DMRTA1: variants seen among roughly 807,000 people sequenced by gnomAD.
The protein encoded by DMRTA1 is doublesex- and mab-3-related transcription factor A1.
A neutral mutation model predicts 35.2 loss-of-function variants in DMRTA1; 34 were observed. That is an observed-to-expected ratio of 0.97 (90% CI 0.74 to 1.29). DMRTA1 has a LOEUF of 1.29. Ranked by LOEUF, DMRTA1 falls within the 50% of genes most tolerant of loss-of-function variation. The pLI, the probability that DMRTA1 is intolerant of heterozygous loss-of-function variation, is 0.00. For synonymous variants in DMRTA1, 344 were observed against 276.6 expected, an observed-to-expected ratio of 1.24 and a Z score of -2.42; for missense variants, 824 against 644.6, an observed-to-expected ratio of 1.28 and a Z score of -3.01.
rs530620208 is a variant in DMRTA1, at chr9:22,451,835, A to T, written c.1439A>T (p.Asp480Val). 1.9e-6 allele frequency: 3 copies of T among 1,613,890 alleles called. No individual in the cohort carries two copies. Among genetic ancestry groups the T allele is most frequent in the Non-Finnish European group, 2.5e-6 (3 of 1,179,932 alleles). ...LDYAFSGMIR[D>V]SSYLSSKDSI... is the part of the protein sequence containing the mutation. ...TATGCCTTTTCAGGGATGATTAGAG[A>T]TTCTTCCTACCTTTCCAGTAAAGAC... Residue 480 changes from aspartate to valine, a missense_variant, in exon 2 of 2, where the codon GAT becomes GTT. Physicochemically the swap from Asp to Val is radical, Grantham distance 152. Coordinates refer to ENST00000325870, the MANE Select transcript of DMRTA1 (RefSeq NM_022160.3).
rs1818987804 is a variant in DMRTA1, at chr9:22,455,252, T to C, written c.*3341T>C. On this transcript the variant is annotated 3_prime_UTR_variant, in exon 2 of 2. Transcript: ENST00000325870. Reference sequence around the variant, plus strand: ...ATTAGTACAATTCCTATAAGGTAAATACCAATATGTCTTTCTAGAAGAAGC... The same window carrying C: ...ATTAGTACAATTCCTATAAGGTAAACACCAATATGTCTTTCTAGAAGAAGC... 2 of 152,176 alleles carry C rather than the reference T, an allele frequency of 1.3e-5. No homozygotes were observed. Among genetic ancestry groups the C allele is most frequent in the Admixed American group, 1.3e-4 (2 of 15,284 alleles). The allele number at this position is 152,176 out of a possible 1,614,324, so 9.4% of individuals were successfully genotyped here. A position where few individuals can be genotyped will look rare whatever the true frequency, so the allele number is the denominator to read the frequency against.
rs62574786 is a variant in DMRTA1, at chr9:22,452,003, G to A, written c.*92G>A. On this transcript the variant is annotated 3_prime_UTR_variant, in exon 2 of 2. Transcript: ENST00000325870. ...CACACACATCCATTAATATACTTCA[G>A]TAAGTATGTGAGTGGATTATGAGGT... 0.15 allele frequency: 203,532 copies of A among 1,368,102 alleles called. 15,172 individuals carry two copies. The highest frequency in any genetic ancestry group is 0.24 in the Admixed American group (11,369 of 46,942). 84.7% of individuals were successfully genotyped at this position (1,368,102 alleles called of 1,614,324 possible).
intron 1 of DMRTA1, 85 bp from the exon 2 acceptor site, chr9:22,450,979 T>C (rs1818914706): frequency 2.2e-6 from 3 of 1,341,614 alleles, no homozygotes; most frequent in Non-Finnish European, 3.0e-6. Flanking sequence ...ATTAATTATA[T>C]TATCCAGCAT....
rs1464868149 is a variant in DMRTA1 at position 22,447,587 on chromosome 9, G to A, written c.522G>A (p.Gly174=). 1 of 1,602,728 alleles carries A rather than the reference G, an allele frequency of 6.2e-7. No homozygotes were observed. The highest frequency in any genetic ancestry group is 1.3e-5 in the African/African-American group (1 of 74,522). Residue 174 remains glycine (G), a synonymous_variant, in exon 1 of 2, where the codon GGG becomes GGA. Transcript: ENST00000325870. ...LSWPPGGRAS[G]GGGRAENPQS... The stretch of plus-strand genomic sequence containing the variant: ...GGCCCCCCGGTGGTCGGGCATCCGG[G>A]GGCGGCGGCAGAGCCGAGAATCCAC...
At chr9:22,448,964 A>T (rs995538140) in intron 1 of DMRTA1, among the ~76,000 whole-genome samples, 2 of 152,246 alleles carry the variant, frequency 1.3e-5, no homozygotes, top group African/African-American at 4.8e-5. Context: ...AAGAGAAGTA[A>T]AAGTGAGAAT....
rs770779424 is a variant in DMRTA1, at chr9:22,447,602, C to A, written c.537C>A (p.Ala179=). 6.2e-7 allele frequency: 1 copy of A among 1,606,158 alleles called. No individual in the cohort carries two copies. Among genetic ancestry groups the A allele is most frequent in the South Asian group, 1.1e-5 (1 of 90,462 alleles). Residue 179 remains alanine, a synonymous_variant, in exon 1 of 2, where the codon GCC becomes GCA. Transcript: ENST00000325870. ...GGGCATCCGGGGGCGGCGGCAGAGC[C>A]GAGAATCCACAGTCCACGGGCGGCC... ...GGRASGGGGR[A]ENPQSTGGPA...
Position 22,447,612 on chromosome 9 carries a change from C to T in DMRTA1, c.547C>T (p.Gln183Ter). Residue 183 changes from glutamine to a stop codon, truncating the protein, a stop_gained, in exon 1 of 2, where the codon CAG becomes TAG. Transcript: ENST00000325870. LOFTEE classifies it high-confidence loss of function. ...SGGGGRAENPQSTGGPAAGAA... is the reference protein window; with the variant it reads ...SGGGGRAENP ...GGGCGGCGGCAGAGCCGAGAATCCA[C>T]AGTCCACGGGCGGCCCTGCGGCGGG... is the stretch of plus-strand genomic sequence containing the variant. 6.2e-7 allele frequency: 1 copy of T among 1,608,064 alleles called. No individual in the cohort carries two copies. The highest frequency in any genetic ancestry group is 8.5e-7 in the Non-Finnish European group (1 of 1,178,284).
Position 22,451,277 on chromosome 9 carries a change from C to T in DMRTA1, c.881C>T (p.Ser294Phe). The change falls in exon 2 of 2, where the codon TCC (serine) becomes TTC (phenylalanine). Residue 294 changes from serine (S) to phenylalanine (F), a missense_variant. Physicochemically the swap from Ser to Phe is radical, Grantham distance 155. Transcript: ENST00000325870. The part of the protein sequence containing the change: ...EQSGGEESPR[S>F]LSSSDLESGN... ...TCAGGAGGTGAAGAGAGTCCCAGGTCCTTATCATCCTCTGATCTGGAATCA... is the reference window on the plus strand; with the variant it reads ...TCAGGAGGTGAAGAGAGTCCCAGGTTCTTATCATCCTCTGATCTGGAATCA... 1 of 1,614,076 alleles carries T rather than the reference C, an allele frequency of 6.2e-7. No homozygotes were observed. Among genetic ancestry groups the T allele is most frequent in the East Asian group, 2.2e-5 (1 of 44,872 alleles).
At position 22,451,147 on chromosome 9, in the gene DMRTA1, T is replaced by C. The variant is rs543015454; in HGVS notation, c.751T>C (p.Ser251Pro). ...ATCCCATCAGCTTTACCTAGGATCA[T>C]CTTCTAGGTCTAATGGTGTCATTGG... The part of the protein sequence containing the change: ...SKSHQLYLGS[S>P]SRSNGVIGKQ... The change falls in exon 2 of 2, where the codon TCT becomes CCT. Residue 251 changes from serine (S) to proline (P), a missense_variant. Coordinates refer to ENST00000325870, the MANE Select transcript of DMRTA1 (RefSeq NM_022160.3). 1 of 1,614,052 alleles carries C rather than the reference T, an allele frequency of 6.2e-7. No homozygotes were observed. Among genetic ancestry groups the C allele is most frequent in the East Asian group, 2.2e-5 (1 of 44,878 alleles).
rs1015707248 is a variant in DMRTA1 at position 22,455,614 on chromosome 9, C to A, written c.*3703C>A. On this transcript the variant is annotated 3_prime_UTR_variant, in exon 2 of 2. Coordinates refer to ENST00000325870, the MANE Select transcript of DMRTA1 (RefSeq NM_022160.3). ...AGCCATCACTAGAGCAGCGTACAGGCTTAGTTCCAGACTTCGTGTTTGGTT... is the reference window on the plus strand; with the variant it reads ...AGCCATCACTAGAGCAGCGTACAGGATTAGTTCCAGACTTCGTGTTTGGTT... 1 of 152,150 alleles carries A rather than the reference C, an allele frequency of 6.6e-6. No homozygotes were observed. The highest frequency in any genetic ancestry group is 1.5e-5 in the Non-Finnish European group (1 of 68,038). 9.4% of individuals were successfully genotyped at this position (152,150 alleles called of 1,614,324 possible).
rs865776800 is a variant in DMRTA1, at chr9:22,455,559, T to G, written c.*3648T>G. On this transcript the variant is annotated 3_prime_UTR_variant, in exon 2 of 2. Transcript: ENST00000325870. Reference sequence around the variant, plus strand: ...CAAAGAGTACTGTAATTGCATTTAATCCACTTAGTGGATGTGGAGCCCAAA... The same window carrying G: ...CAAAGAGTACTGTAATTGCATTTAAGCCACTTAGTGGATGTGGAGCCCAAA... 3.3e-5 allele frequency: 5 copies of G among 152,218 alleles called. No homozygotes were observed. The highest frequency in any genetic ancestry group is 1.3e-4 in the Admixed American group (2 of 15,286). 9.4% of individuals were successfully genotyped at this position (152,218 alleles called of 1,614,324 possible).
rs1266697292 is a variant in DMRTA1, at chr9:22,451,640, C to T, written c.1244C>T (p.Thr415Ile). The change falls in exon 2 of 2, where the codon ACT becomes ATT. Residue 415 changes from threonine (T) to isoleucine (I), a missense_variant. Transcript: ENST00000325870. ...NKSAFSPLQT[T>I]SASYGGDSSL... ...TCAGCTTTCTCTCCTCTTCAAACTA[C>T]TTCTGCTTCTTATGGAGGTGATTCA... 5 of 1,614,016 alleles carry T rather than the reference C, an allele frequency of 3.1e-6. No homozygotes were observed. The highest frequency in any genetic ancestry group is 1.1e-5 in the South Asian group (1 of 91,086).
Position 22,451,087 on chromosome 9 carries a change from T to C in DMRTA1, c.691T>C (p.Ser231Pro), listed in dbSNP as rs1260635013. The change falls in exon 2 of 2, where the codon TCA becomes CCA. Residue 231 changes from serine (S) to proline (P), a missense_variant. Ser to Pro is a moderately conservative substitution (Grantham distance 74). Transcript: ENST00000325870. The stretch of plus-strand genomic sequence containing the variant: ...AGAACAAAAAGAGAGTAAATGTGAG[T>C]CATGCCAGAATGGACAAGAAGAACT... ...KQEQKESKCE[S>P]CQNGQEELIS... is the part of the protein sequence containing the mutation. 3 of 1,612,812 alleles carry C rather than the reference T, an allele frequency of 1.9e-6. No homozygotes were observed. The East Asian group carries it at 6.7e-5, about 36-fold the overall frequency.
In DMRTA1 at chr9:22,451,700, G is replaced by C. The variant is rs1223773648; in HGVS notation, c.1304G>C (p.Ser435Thr). Residue 435 changes from serine (S) to threonine (T), a missense_variant, in exon 2 of 2, where the codon AGT becomes ACT. Physicochemically the swap from Ser to Thr is moderately conservative, Grantham distance 58. Coordinates refer to ENST00000325870, the MANE Select transcript of DMRTA1 (RefSeq NM_022160.3). ...GGCGTAAATCCTAGAGTAGGTATCA[G>C]TCCATTAAGGCTGGCATATTCTTCT... ...LYGVNPRVGI[S>T]PLRLAYSSAG... is the part of the protein sequence containing the mutation. The C allele has an allele frequency of 1.9e-6, 3 of 1,614,120 alleles. No homozygotes were observed. The highest frequency in any genetic ancestry group is 2.2e-5 in the East Asian group (1 of 44,890).
chr9:22,454,769 A>G lies in DMRTA1; in HGVS notation c.*2858A>G, dbSNP rs1482863626. ...GCAAACATTTCATAGAGTATTCAGA[A>G]GAACATAAGGAATGACTTTTTTCAC... On this transcript the variant is annotated 3_prime_UTR_variant, in exon 2 of 2. Transcript: ENST00000325870. 2 of 152,202 alleles carry G rather than the reference A, an allele frequency of 1.3e-5. No individual in the cohort carries two copies. The highest frequency in any genetic ancestry group is 2.9e-5 in the Non-Finnish European group (2 of 68,028). The allele number at this position is 152,202 out of a possible 1,614,324, so 9.4% of individuals were successfully genotyped here.
At position 22,446,947 on chromosome 9, in the gene DMRTA1, G is replaced by A. The variant is rs1818837381; in HGVS notation, c.-119G>A. 2 of 1,293,264 alleles carry A rather than the reference G, an allele frequency of 1.5e-6. No individual in the cohort carries two copies. The highest frequency in any genetic ancestry group is 2.9e-5 in the East Asian group (1 of 35,060). 80.1% of individuals were successfully genotyped at this position (1,293,264 alleles called of 1,614,324 possible). ...AAGAGTGTAAAACTTTTGTCCGTGCGCGGGTGGAGCTCAGTAGGACCACGG... is the reference window on the plus strand; with the variant it reads ...AAGAGTGTAAAACTTTTGTCCGTGCACGGGTGGAGCTCAGTAGGACCACGG... On this transcript the variant is annotated 5_prime_UTR_variant, in exon 1 of 2. Transcript: ENST00000325870.
intron 1 of DMRTA1, among the ~76,000 whole-genome samples, chr9:22,449,185 A>G (rs1195510001): frequency 1.3e-5 from 2 of 152,216 alleles, no homozygotes; most frequent in East Asian, 1.9e-4. Context: ...GTTCTCTTAC[A>G]CAATAGCCAT....
chr9:22,448,170 G>A lies in DMRTA1; in HGVS notation c.667+438G>A, dbSNP rs115476333. 3.1e-3 allele frequency among the ~76,000 whole-genome samples: 474 copies of A among 152,206 alleles called. 2 individuals are homozygous for A. Among genetic ancestry groups the A allele is most frequent in the African/African-American group, 0.011 (456 of 41,544 alleles). The stretch of plus-strand genomic sequence containing the variant: ...GTTGCCCAGGCTGGAGTGCAGTGGC[G>A]CCATTACAGCTCACTGCAGCCTCAA... On this transcript the variant is annotated intron_variant, in intron 1 of 1. Coordinates refer to ENST00000325870, the MANE Select transcript of DMRTA1 (RefSeq NM_022160.3).
In DMRTA1 at chr9:22,447,038, G is replaced by T. The variant is rs1818839865; in HGVS notation, c.-28G>T. 1 of 1,597,456 alleles carries T rather than the reference G, an allele frequency of 6.3e-7. No homozygotes were observed. The highest frequency in any genetic ancestry group is 2.3e-5 in the East Asian group (1 of 43,418). On this transcript the variant is annotated 5_prime_UTR_variant, in exon 1 of 2. Coordinates refer to ENST00000325870, the MANE Select transcript of DMRTA1 (RefSeq NM_022160.3). The stretch of plus-strand genomic sequence containing the variant: ...GCTGCGGTCAGCGCACTTTCCACTT[G>T]GGACTCCCGGCCAGAAATTTCTCGG...
Sources: gnomAD v4.1 joint callset for allele counts (sites outside exome capture counted in the v4.1 genomes callset) on GRCh38, gnomAD v4.1.1 for gene constraint, MANE v1.5 for transcripts, NCBI Gene and HGNC (gene_info 2026-07-23, HGNC 2026-07-21) for gene names.